RGS6: variants seen among roughly 807,000 people sequenced by gnomAD.
RGS6 encodes the protein regulator of G protein signaling 6.
Under a neutral mutation model 78.5 loss-of-function variants are expected in RGS6, and 30 were observed. The observed-to-expected ratio is 0.38, with a 90% CI of 0.29 to 0.52. The LOEUF is 0.52. Ranked by LOEUF, RGS6 falls within the 20% of genes least tolerant of loss-of-function variation. RGS6 has a pLI of 0.85. For synonymous variants in RGS6, 206 were observed against 206.0 expected (o/e 1.00, Z 0.00); for missense variants, 495 against 609.7 (o/e 0.81, Z 1.98).
intron 2 of RGS6, among the ~76,000 whole-genome samples, chr14:72,009,183 C>T (rs1180236171): frequency 5.3e-5 from 8 of 152,104 alleles, no homozygotes; most frequent in Non-Finnish European, 1.5e-5. Flanking sequence ...AGCAAGATGC[C>T]ATTTCTGAAA....
At chr14:72,465,155 T>C (rs987812239) in intron 6 of RGS6, among the ~76,000 whole-genome samples, 1 of 152,094 alleles carries the variant, frequency 6.6e-6, no homozygotes, top group Non-Finnish European at 1.5e-5. Flanking sequence ...AGTGCCTGCA[T>C]GAGGGAGAAG....
chr14:71,927,975 A>C (rs1273721098), upstream of RGS6, among the ~76,000 whole-genome samples: 1 of 151,916 alleles, frequency 6.6e-6, no homozygotes, highest in South Asian at 2.1e-4. Flanking sequence ...CTTTTTTTTT[A>C]AACCTCAGAA....
At chr14:72,424,361 A>T (rs1250491260) in intron 3 of RGS6, among the ~76,000 whole-genome samples, 1 of 152,226 alleles carries the variant, frequency 6.6e-6, no homozygotes, top group Non-Finnish European at 1.5e-5. Context: ...AGTAAAGAGT[A>T]ACAAATAAAT....
chr14:72,397,097 C>T (rs1314369307), intron 3 of RGS6, among the ~76,000 whole-genome samples: 2 of 152,136 alleles, frequency 1.3e-5, no homozygotes, highest in African/African-American at 2.4e-5. Context: ...TCATTGGTAG[C>T]TTGATGGGGA....
chr14:72,236,639 C>G (rs759699989), intron 2 of RGS6, among the ~76,000 whole-genome samples: 1 of 152,192 alleles, frequency 6.6e-6, no homozygotes, highest in Non-Finnish European at 1.5e-5. Context: ...GGTTGCACAG[C>G]GGCCGGGCAG....
At chr14:72,195,771 T>A (rs7151552) in intron 2 of RGS6, among the ~76,000 whole-genome samples, 2,666 of 152,268 alleles carry the variant, frequency 0.018, 86 homozygotes, top group African/African-American at 0.059. Context: ...CACAGAAAGG[T>A]GGCCTCTCCC....
chr14:72,256,432 G>A (rs2057097743), intron 2 of RGS6, among the ~76,000 whole-genome samples: 1 of 152,130 alleles, frequency 6.6e-6, no homozygotes, highest in African/African-American at 2.4e-5. Flanking sequence ...CAATTTGGGG[G>A]CATTACCAAT....
chr14:72,251,627 C>T (rs988292048), intron 2 of RGS6, among the ~76,000 whole-genome samples: 3 of 152,132 alleles, frequency 2.0e-5, no homozygotes, highest in African/African-American at 7.2e-5. Flanking sequence ...CAACAGATGC[C>T]ACATCTTCTT....
At chr14:71,970,913 C>A (rs1381141191) in intron 2 of RGS6, among the ~76,000 whole-genome samples, 4 of 152,076 alleles carry the variant, frequency 2.6e-5, no homozygotes, top group African/African-American at 4.8e-5. Flanking sequence ...TGCTTCGATT[C>A]TTGAAAGATG....
At chr14:72,128,870 G>A (rs2153585221) in intron 2 of RGS6, among the ~76,000 whole-genome samples, 1 of 152,250 alleles carries the variant, frequency 6.6e-6, no homozygotes, top group African/African-American at 2.4e-5. Flanking sequence ...ACAGCGACCA[G>A]CCTATTAGTT....
chr14:72,241,827 T>A, intron 2 of RGS6, among the ~76,000 whole-genome samples: 1 of 152,246 alleles, frequency 6.6e-6, no homozygotes, highest in African/African-American at 2.4e-5. Context: ...AAAATTGCTT[T>A]CCAGGAAATG....
chr14:72,221,380 T>A (rs911050708), intron 2 of RGS6, among the ~76,000 whole-genome samples: 4 of 152,118 alleles, frequency 2.6e-5, no homozygotes, highest in Non-Finnish European at 4.4e-5. Context: ...TGGGACCTAG[T>A]CAATGAGACA....
chr14:72,110,755 G>GT (rs2095741467), intron 2 of RGS6, among the ~76,000 whole-genome samples: 1 of 152,204 alleles, frequency 6.6e-6, no homozygotes, highest in Admixed American at 6.5e-5. Context: ...GGGGAAAGAA[G>GT]TTTTTGTCTG....
chr14:72,604,819 G>T, the RGS6 span, among the ~76,000 whole-genome samples: 1 of 152,154 alleles, frequency 6.6e-6, no homozygotes, highest in Admixed American at 6.5e-5. Flanking sequence ...TTTTCCTCAA[G>T]GTTTCAAGGG....
chr14:71,984,766 A>T (rs1212359748), intron 2 of RGS6, among the ~76,000 whole-genome samples: 4 of 152,220 alleles, frequency 2.6e-5, no homozygotes, highest in Non-Finnish European at 4.4e-5. Flanking sequence ...AAGAAAACAA[A>T]CATTTTTAGC....
At chr14:72,622,459 G>C in the RGS6 span, among the ~76,000 whole-genome samples, 2 of 152,148 alleles carry the variant, frequency 1.3e-5, no homozygotes, top group Admixed American at 6.5e-5. Context: ...TTAGGATGGA[G>C]ACAGAAAACA....
chr14:72,245,181 C>T (rs900518800), intron 2 of RGS6, among the ~76,000 whole-genome samples: 2 of 152,226 alleles, frequency 1.3e-5, no homozygotes, highest in Non-Finnish European at 2.9e-5. Flanking sequence ...GAGAAAAGCA[C>T]ACACGTTTGT....
chr14:72,435,539 A>G (rs2094863676), intron 3 of RGS6, among the ~76,000 whole-genome samples: 1 of 152,218 alleles, frequency 6.6e-6, no homozygotes, highest in Non-Finnish European at 1.5e-5. Flanking sequence ...ACACACATTT[A>G]TCTTATAGGT....
At chr14:72,172,335 A>G (rs188048219) in intron 2 of RGS6, among the ~76,000 whole-genome samples, 2 of 151,516 alleles carry the variant, frequency 1.3e-5, no homozygotes, top group East Asian at 1.9e-4. Context: ...TACAAATGTT[A>G]TCTTATCCTT....
Sources: allele counts gnomAD v4.1 joint callset (sites outside exome capture counted in the v4.1 genomes callset), GRCh38; gene constraint gnomAD v4.1.1; transcripts MANE v1.5; gene names NCBI Gene and HGNC (gene_info 2026-07-23, HGNC 2026-07-21).